CAMK4: variants seen among roughly 807,000 people sequenced by gnomAD.
The protein encoded by CAMK4 is calcium/calmodulin dependent protein kinase IV, also known as calcium/calmodulin-dependent protein kinase type IV.
CAMK4 carries 22 observed loss-of-function variants against 44.9 expected under a neutral mutation model. That is an observed-to-expected ratio of 0.49 (90% CI 0.35 to 0.70). The LOEUF (loss-of-function observed/expected upper bound fraction) is 0.70. CAMK4 is among the 30% of genes least tolerant of loss of function. The pLI, the probability that CAMK4 is intolerant of heterozygous loss-of-function variation, is 0.01. For synonymous variants in CAMK4, 218 were observed against 215.4 expected (o/e 1.01, Z -0.11); for missense variants, 498 against 586.8 (o/e 0.85, Z 1.56).
chr5:111,272,905 G>A (rs1750577465), intron 1 of CAMK4, among the ~76,000 whole-genome samples: 1 of 152,052 alleles, frequency 6.6e-6, no homozygotes, highest in Non-Finnish European at 1.5e-5. Context: ...TTTCCACTCT[G>A]ATACACTCAG....
At chr5:111,247,126 T>G (rs1749276189) in intron 1 of CAMK4, among the ~76,000 whole-genome samples, 1 of 151,876 alleles carries the variant, frequency 6.6e-6, no homozygotes, top group African/African-American at 2.4e-5. Context: ...TATGCCCAGC[T>G]CATAGTACAC....
At chr5:111,308,649 G>A (rs748923797) in intron 1 of CAMK4, among the ~76,000 whole-genome samples, 37 of 152,176 alleles carry the variant, frequency 2.4e-4, no homozygotes, top group Non-Finnish European at 2.6e-4. Context: ...TATTTAGAGA[G>A]GTTCAGTTTG....
chr5:111,372,300 C>T (rs1438233631), intron 2 of CAMK4, among the ~76,000 whole-genome samples: 1 of 152,120 alleles, frequency 6.6e-6, no homozygotes, highest in Non-Finnish European at 1.5e-5. Flanking sequence ...CCTCCCATCT[C>T]CCTCAACCAT....
rs546387094 is a variant in CAMK4, at chr5:111,328,335, A to G, written c.162-15689A>G. ...CAGATAGTTGTAGATATGTGGCATTATTTCTGAGGGCTCTGTTCTGTTCCA... is the reference window on the plus strand; with the variant it reads ...CAGATAGTTGTAGATATGTGGCATTGTTTCTGAGGGCTCTGTTCTGTTCCA... On this transcript the variant is annotated intron_variant, in intron 1 of 10. Transcript: ENST00000282356. 6.0e-3 allele frequency among the ~76,000 whole-genome samples: 914 copies of G among 151,504 alleles called. 5 individuals are homozygous for G. Among genetic ancestry groups the G allele is most frequent in the African/African-American group, 0.021 (884 of 41,258 alleles).
At chr5:111,299,236 C>T (rs1262182723) in intron 1 of CAMK4, among the ~76,000 whole-genome samples, 6 of 152,222 alleles carry the variant, frequency 3.9e-5, no homozygotes, top group South Asian at 2.1e-4. Flanking sequence ...CATTATGTAA[C>T]CATGTCACAT....
intron 1 of CAMK4, among the ~76,000 whole-genome samples, chr5:111,227,420 T>C (rs1748244982): frequency 6.6e-6 from 1 of 152,214 alleles, no homozygotes; most frequent in Admixed American, 6.5e-5. Context: ...GTGCTTCTGG[T>C]GTTACGTGTT....
chr5:111,353,818 C>T (rs901513374), intron 2 of CAMK4, among the ~76,000 whole-genome samples: 2 of 152,010 alleles, frequency 1.3e-5, no homozygotes, highest in Admixed American at 6.6e-5. Flanking sequence ...ACTCTGAAAA[C>T]TGTAAAACAT....
intron 1 of CAMK4, among the ~76,000 whole-genome samples, chr5:111,283,310 T>C (rs1170740162): frequency 6.6e-6 from 1 of 152,178 alleles, no homozygotes; most frequent in African/African-American, 2.4e-5. Context: ...ATGACTGTTA[T>C]ACTCTGTGCA....
intron 5 of CAMK4, among the ~76,000 whole-genome samples, chr5:111,427,104 G>A (rs1470120289): frequency 1.5e-4 from 23 of 152,088 alleles, no homozygotes; most frequent in Non-Finnish European, 2.1e-4. Flanking sequence ...TTTTGCTTAA[G>A]GAGAGGAGAG....
At chr5:111,270,735 T>G (rs570086143) in intron 1 of CAMK4, among the ~76,000 whole-genome samples, 1 of 152,326 alleles carries the variant, frequency 6.6e-6, no homozygotes, top group South Asian at 2.1e-4. Flanking sequence ...TCAATTTGGA[T>G]CAGTCTAGTT....
chr5:111,262,169 A>G (rs897986570), intron 1 of CAMK4, among the ~76,000 whole-genome samples: 1 of 148,968 alleles, frequency 6.7e-6, no homozygotes, highest in Non-Finnish European at 1.5e-5. Flanking sequence ...GCACTAGACT[A>G]GCTAAACGGG....
At chr5:111,348,788 AG>A (rs1212782693) in intron 2 of CAMK4, among the ~76,000 whole-genome samples, 1 of 152,040 alleles carries the variant, frequency 6.6e-6, no homozygotes, top group Non-Finnish European at 1.5e-5. Flanking sequence ...AAGTCTGTGG[AG>A]AAACATAATT....
chr5:111,421,647 G>GT (rs1391099905), intron 5 of CAMK4, among the ~76,000 whole-genome samples: 5 of 151,962 alleles, frequency 3.3e-5, no homozygotes, highest in African/African-American at 7.2e-5. Flanking sequence ...GGTTTGTCTT[G>GT]TTTTTTTGTT....
At chr5:111,241,499 A>G in intron 1 of CAMK4, among the ~76,000 whole-genome samples, 1 of 152,156 alleles carries the variant, frequency 6.6e-6, no homozygotes, top group East Asian at 1.9e-4. Flanking sequence ...GTCACTTTCC[A>G]GGTTTCTCCA....
chr5:111,254,356 C>T (rs536847808), intron 1 of CAMK4, among the ~76,000 whole-genome samples: 3 of 152,188 alleles, frequency 2.0e-5, no homozygotes, highest in Non-Finnish European at 2.9e-5. Context: ...ATTGCTGCCA[C>T]GTGGCCATGG....
intron 5 of CAMK4, among the ~76,000 whole-genome samples, chr5:111,396,750 C>T (rs2112866330): frequency 6.9e-6 from 1 of 143,962 alleles, no homozygotes; most frequent in Non-Finnish European, 1.5e-5. Context: ...AAGTGATTCT[C>T]CTGCCTCAGC....
At chr5:111,452,020 C>T (rs964055165) in intron 7 of CAMK4, among the ~76,000 whole-genome samples, 1 of 152,202 alleles carries the variant, frequency 6.6e-6, no homozygotes, top group African/African-American at 2.4e-5. Flanking sequence ...TCCATCTAAG[C>T]ATTTTATAAT....
intron 5 of CAMK4, among the ~76,000 whole-genome samples, chr5:111,438,525 C>T (rs536984367): frequency 1.6e-4 from 25 of 152,072 alleles, no homozygotes; most frequent in African/African-American, 6.0e-4. Flanking sequence ...TCCAAGTAAT[C>T]CGTAAGTGTT....
intron 1 of CAMK4, among the ~76,000 whole-genome samples, chr5:111,273,501 T>A (rs1308352543): frequency 6.6e-6 from 1 of 151,184 alleles, no homozygotes; most frequent in Non-Finnish European, 1.5e-5. Context: ...TGATCTTTAT[T>A]TTTTAGTCTA....
Sources: gnomAD v4.1 joint callset for allele counts (sites outside exome capture counted in the v4.1 genomes callset) on GRCh38, gnomAD v4.1.1 for gene constraint, MANE v1.5 for transcripts, NCBI Gene and HGNC (gene_info 2026-07-23, HGNC 2026-07-21) for gene names.